The following CSMD1 variants were observed in gnomAD, a reference collection of about 807,000 sequenced individuals.
The protein encoded by CSMD1 is CUB and Sushi multiple domains 1.
Under a neutral mutation model 417.5 loss-of-function variants are expected in CSMD1, and 213 were observed. That is an observed-to-expected ratio of 0.51 (90% CI 0.46 to 0.57). The LOEUF is 0.57. CSMD1 is among the 20% of genes least tolerant of loss of function. CSMD1 has a pLI of 0.00. For synonymous variants in CSMD1, 2,862 were observed against 1,736.8 expected, an observed-to-expected ratio of 1.65 and a Z score of -16.11; for missense variants, 6,923 against 4,529.7, an observed-to-expected ratio of 1.53 and a Z score of -15.17.
At chr8:4,590,233 T>C (rs1334822376) in intron 2 of CSMD1, among the ~76,000 whole-genome samples, 3 of 152,116 alleles carry the variant, frequency 2.0e-5, no homozygotes. Flanking sequence ...ACAAGAGTAG[T>C]GTCTAGCGTC....
At chr8:4,153,697 C>T (rs528445792) in intron 3 of CSMD1, among the ~76,000 whole-genome samples, 3 of 152,326 alleles carry the variant, frequency 2.0e-5, no homozygotes, top group South Asian at 2.1e-4. Flanking sequence ...TTCCATCAAT[C>T]CGGCAGTCCC....
intron 6 of CSMD1, among the ~76,000 whole-genome samples, chr8:3,710,971 C>T (rs1345492314): frequency 6.6e-6 from 1 of 152,142 alleles, no homozygotes; most frequent in Non-Finnish European, 1.5e-5. Context: ...ATGCCGCCAG[C>T]TGTGCTTCTG....
At chr8:3,586,114 T>G in intron 9 of CSMD1, 22 bp downstream of exon 9, 2 of 1,604,640 alleles carry the variant, frequency 1.2e-6, no homozygotes, top group Non-Finnish European at 1.7e-6. Flanking sequence ...AATCCAGGCT[T>G]TACCCACCGC....
At chr8:3,332,016 A>C (rs1382766456) in intron 23 of CSMD1, among the ~76,000 whole-genome samples, 2 of 152,214 alleles carry the variant, frequency 1.3e-5, no homozygotes, top group Admixed American at 1.3e-4. Flanking sequence ...TACATATGTA[A>C]TAGATGGATA....
intron 2 of CSMD1, among the ~76,000 whole-genome samples, chr8:4,568,974 G>C (rs972061828): frequency 6.6e-6 from 1 of 151,902 alleles, no homozygotes; most frequent in African/African-American, 2.4e-5. Flanking sequence ...GTTTTTTCTT[G>C]TAAATTTGTT....
chr8:4,010,659 A>C (rs555962914), intron 4 of CSMD1, among the ~76,000 whole-genome samples: 14 of 152,082 alleles, frequency 9.2e-5, no homozygotes, highest in Non-Finnish European at 1.8e-4. Context: ...TTTTTGACTC[A>C]TGGGACCTAG....
chr8:4,735,042 A>G (rs1810141348), intron 1 of CSMD1, among the ~76,000 whole-genome samples: 1 of 152,236 alleles, frequency 6.6e-6, no homozygotes. Flanking sequence ...TTGATGGAGA[A>G]CAAGTCAGTT....
chr8:4,658,120 TA>T (rs1232990903), intron 1 of CSMD1, among the ~76,000 whole-genome samples: 1 of 151,546 alleles, frequency 6.6e-6, no homozygotes, highest in Non-Finnish European at 1.5e-5. Flanking sequence ...CCATGAAACA[TA>T]ACAATATATG....
At chr8:3,828,357 G>C (rs1408567065) in intron 5 of CSMD1, among the ~76,000 whole-genome samples, 1 of 152,050 alleles carries the variant, frequency 6.6e-6, no homozygotes, top group Admixed American at 6.6e-5. Context: ...GAATCTGTTA[G>C]GATTTTCATA....
intron 3 of CSMD1, among the ~76,000 whole-genome samples, chr8:4,102,383 C>G (rs1585317152): frequency 6.6e-6 from 1 of 152,266 alleles, no homozygotes; most frequent in East Asian, 1.9e-4. Context: ...ACATTGGTAA[C>G]TTCGTAAGGT....
rs1418352804 is a variant in CSMD1 at position 4,328,191 on chromosome 8, G to C, written c.415+91762C>G. Among the ~76,000 whole-genome samples, 6 of 151,162 alleles carry C rather than the reference G, an allele frequency of 4.0e-5. No homozygotes were observed. The South Asian group carries it at 1.0e-3, about 26-fold the overall frequency. Reference sequence around the variant, plus strand: ...GGTCACATTATAAGACAGTAAGTAAGCTTGTATTTGACCCAAATTCTACAC... The same window carrying C: ...GGTCACATTATAAGACAGTAAGTAACCTTGTATTTGACCCAAATTCTACAC... On this transcript the variant is annotated intron_variant, in intron 3 of 69. Coordinates refer to ENST00000635120, the MANE Select transcript of CSMD1 (RefSeq NM_033225.6).
chr8:3,228,331 T>C (rs566128049), intron 27 of CSMD1, among the ~76,000 whole-genome samples: 32 of 152,338 alleles, frequency 2.1e-4, no homozygotes, highest in Non-Finnish European at 1.8e-4. Flanking sequence ...GGCAAGCTTC[T>C]TACAGAGGAC....
intron 3 of CSMD1, among the ~76,000 whole-genome samples, chr8:4,277,850 C>A (rs1367576104): frequency 6.6e-6 from 1 of 152,120 alleles, no homozygotes; most frequent in Non-Finnish European, 1.5e-5. Context: ...CTGGTTCACA[C>A]CATTCTCCTG....
intron 10 of CSMD1, among the ~76,000 whole-genome samples, chr8:3,563,837 C>G (rs1020651887): frequency 6.6e-5 from 10 of 152,058 alleles, no homozygotes; most frequent in African/African-American, 1.9e-4. Flanking sequence ...TGCAGTGAGC[C>G]AAGAGTATGC....
intron 2 of CSMD1, among the ~76,000 whole-genome samples, chr8:4,465,738 C>G (rs1800127306): frequency 6.6e-6 from 1 of 152,158 alleles, no homozygotes. Flanking sequence ...TTTGGAGGAA[C>G]TCTAGTTTGT....
At chr8:3,103,680 A>G (rs1815918057) in intron 46 of CSMD1, among the ~76,000 whole-genome samples, 2 of 152,038 alleles carry the variant, frequency 1.3e-5, no homozygotes, top group African/African-American at 4.8e-5. Context: ...CTTGTCATGA[A>G]TTAAACGTCA....
intron 6 of CSMD1, among the ~76,000 whole-genome samples, chr8:3,748,812 T>C (rs577098831): frequency 3.3e-5 from 5 of 152,358 alleles, no homozygotes; most frequent in Non-Finnish European, 5.9e-5. Flanking sequence ...GGAAAATCAA[T>C]AGTTATAGGG....
intron 3 of CSMD1, among the ~76,000 whole-genome samples, chr8:4,049,314 T>C (rs752308820): frequency 4.6e-5 from 7 of 151,992 alleles, no homozygotes; most frequent in Non-Finnish European, 1.0e-4. Flanking sequence ...TTGCAACATC[T>C]CTGGCCTCTA....
intron 7 of CSMD1, among the ~76,000 whole-genome samples, chr8:3,671,560 CAT>C (rs752837903): frequency 0.023 from 147 of 6,488 alleles, 8 homozygotes; most frequent in South Asian, 0.15. Context: ...TATATATGAT[CAT>C]ATATATATAT....
Sources: gnomAD v4.1 joint callset for allele counts (sites outside exome capture counted in the v4.1 genomes callset) on GRCh38, gnomAD v4.1.1 for gene constraint, MANE v1.5 for transcripts, NCBI Gene and HGNC (gene_info 2026-07-23, HGNC 2026-07-21) for gene names.